STMN2: variants seen among roughly 807,000 people sequenced by gnomAD.
The protein encoded by STMN2 is stathmin 2.
In STMN2, 2 loss-of-function variants were observed where a neutral mutation model predicts 24.1. The ratio of observed to expected loss-of-function variants is 0.08; its 90% CI spans 0.03 to 0.26. STMN2 has a LOEUF of 0.26. Ranked by LOEUF, STMN2 falls within the 10% of genes least tolerant of loss-of-function variation. STMN2 has a pLI of 1.00. For synonymous variants in STMN2, 83 were observed against 77.5 expected (o/e 1.07, Z -0.37); for missense variants, 114 against 213.6 (o/e 0.53, Z 2.91).
At chr8:79,651,560 G>A (rs983958959) in intron 3 of STMN2, among the ~76,000 whole-genome samples, 7 of 152,140 alleles carry the variant, frequency 4.6e-5, no homozygotes, top group African/African-American at 1.4e-4. Context: ...AAGCCTTCCC[G>A]TCTGAATCTT....
chr8:79,623,405 G>T (rs115254926), intron 1 of STMN2, among the ~76,000 whole-genome samples: 2,439 of 152,222 alleles, frequency 0.016, 66 homozygotes, highest in African/African-American at 0.056. Context: ...TTTAAGGGAG[G>T]ATAACTACCA....
At chr8:79,634,123 GT>G (rs1024070504) in intron 1 of STMN2, among the ~76,000 whole-genome samples, 23 of 152,304 alleles carry the variant, frequency 1.5e-4, no homozygotes, top group Middle Eastern at 3.4e-3. Context: ...TTTGCAAAAT[GT>G]TTTGCATACC....
intron 2 of STMN2, among the ~76,000 whole-genome samples, chr8:79,639,813 G>C (rs1810051402): frequency 6.6e-6 from 1 of 152,094 alleles, no homozygotes; most frequent in Admixed American, 6.5e-5. Context: ...TCACACACCT[G>C]TCATTTATTT....
chr8:79,663,653 A>G (rs1382543348), intron 4 of STMN2: 1 of 1,527,150 alleles, frequency 6.5e-7, no homozygotes, highest in East Asian at 2.5e-5. Context: ...AGGGAAGGAG[A>G]GAAGCAATGT....
intron 3 of STMN2, among the ~76,000 whole-genome samples, chr8:79,643,398 G>C (rs938604286): frequency 6.6e-5 from 10 of 151,968 alleles, no homozygotes; most frequent in Admixed American, 6.6e-4. Flanking sequence ...AGAGCATGTT[G>C]CACCCAAAGC....
intron 2 of STMN2, among the ~76,000 whole-genome samples, chr8:79,639,063 T>C (rs1810034083): frequency 6.6e-6 from 1 of 152,260 alleles, no homozygotes. Context: ...GACTATCTAT[T>C]AGCAGCTAAG....
At chr8:79,627,333 T>C (rs1248828055) in intron 1 of STMN2, among the ~76,000 whole-genome samples, 2 of 152,210 alleles carry the variant, frequency 1.3e-5, no homozygotes, top group Non-Finnish European at 2.9e-5. Context: ...TTGATTCTAT[T>C]TTTGCCTTAA....
At chr8:79,632,264 C>G (rs1204231316) in intron 1 of STMN2, among the ~76,000 whole-genome samples, 2 of 152,194 alleles carry the variant, frequency 1.3e-5, no homozygotes, top group Non-Finnish European at 2.9e-5. Context: ...TCCTTTCTGT[C>G]TATCAGAAAC....
At chr8:79,640,024 A>C (rs1810057515) in intron 2 of STMN2, among the ~76,000 whole-genome samples, 1 of 152,202 alleles carries the variant, frequency 6.6e-6, no homozygotes, top group Admixed American at 6.5e-5. Flanking sequence ...ACATGCTGAA[A>C]CCTTGCCTCT....
chr8:79,644,502 G>A (rs35471041), intron 3 of STMN2, among the ~76,000 whole-genome samples: 15,888 of 152,202 alleles, frequency 0.1, 1,164 homozygotes, highest in Middle Eastern at 0.16. Context: ...CAATCATTAT[G>A]GCCAAGAGGA....
At chr8:79,643,907 C>T (rs1810163499) in intron 3 of STMN2, among the ~76,000 whole-genome samples, 1 of 151,456 alleles carries the variant, frequency 6.6e-6, no homozygotes, top group Non-Finnish European at 1.5e-5. Flanking sequence ...TTTTGTAATG[C>T]AAAAATAACC....
chr8:79,624,901 TTTG>T (rs1809615269), intron 1 of STMN2, among the ~76,000 whole-genome samples: 2 of 152,232 alleles, frequency 1.3e-5, no homozygotes, highest in Non-Finnish European at 2.9e-5. Flanking sequence ...TATAGCAATA[TTTG>T]TTATCATATC....
chr8:79,611,143 C>G lies in STMN2; in HGVS notation c.-53C>G, dbSNP rs1809208422. 3 of 1,613,234 alleles carry G rather than the reference C, an allele frequency of 1.9e-6. No individual in the cohort carries two copies. Among genetic ancestry groups the G allele is most frequent in the Non-Finnish European group, 2.5e-6 (3 of 1,179,572 alleles). The stretch of plus-strand genomic sequence containing the variant: ...GTCTTCTCTCTCGCTCTCTCCGCTG[C>G]TGTAGCCGGACCCTTTGCCTTCGCC... On this transcript the variant is annotated 5_prime_UTR_variant, in exon 1 of 5. Transcript: ENST00000220876.
Position 79,664,868 on chromosome 8 carries a change from T to C in STMN2, c.534T>C (p.Ser178=). The change falls in exon 5 of 5, where the codon TCT becomes TCC. Residue 178 remains serine, a synonymous_variant. Transcript: ENST00000220876. ...RRNKELQVEL[S]G The stretch of plus-strand genomic sequence containing the variant: ...ACAAGGAACTCCAGGTTGAACTGTC[T>C]GGCTGAAGCAAGGGAGGGTCTGGCA... The C allele has an allele frequency of 6.2e-7, 1 of 1,613,126 alleles. No homozygotes were observed. The highest frequency in any genetic ancestry group is 8.5e-7 in the Non-Finnish European group (1 of 1,179,538).
At position 79,650,929 on chromosome 8, in the gene STMN2, A is replaced by T. The variant is rs376862947; in HGVS notation, c.289-3942A>T. The stretch of plus-strand genomic sequence containing the variant: ...ACTCCAGCCTGAGCAACAAAGCAAG[A>T]CCCTGTCTCTAAATTTAAAAAAAAA... On this transcript the variant is annotated intron_variant, in intron 3 of 4. Transcript: ENST00000220876. Among the ~76,000 whole-genome samples the T allele has an allele frequency of 1.9e-4, 29 of 152,230 alleles. 1 individual carries two copies. In the South Asian group the frequency reaches 6.0e-3, roughly 32 times the overall value.
At chr8:79,634,402 C>T (rs1440342134) in intron 1 of STMN2, among the ~76,000 whole-genome samples, 1 of 152,086 alleles carries the variant, frequency 6.6e-6, no homozygotes, top group African/African-American at 2.4e-5. Context: ...ATGGATGTTC[C>T]AGGACTTTTA....
At chr8:79,653,291 C>T (rs544139984) in intron 3 of STMN2, among the ~76,000 whole-genome samples, 3 of 152,138 alleles carry the variant, frequency 2.0e-5, no homozygotes, top group Non-Finnish European at 4.4e-5. Flanking sequence ...ACATGAGAAT[C>T]GCTTGAACCT....
rs961938984 is a variant in STMN2, at chr8:79,665,734, GTTCA to G, written c.*863_*866del. 6.5e-6 allele frequency: 1 copy of G among 154,266 alleles called. No homozygotes were observed. The highest frequency in any genetic ancestry group is 1.5e-5 in the Non-Finnish European group (1 of 68,212). 9.6% of individuals were successfully genotyped at this position (154,266 alleles called of 1,614,324 possible). ...ATTTGTGGATGCCATGATTGATGAT[GTTCA>G]TTTTAAGCTCTTACCTATAGTACAA... On this transcript the variant is annotated 3_prime_UTR_variant, in exon 5 of 5. Coordinates refer to ENST00000220876, the MANE Select transcript of STMN2 (RefSeq NM_007029.4).
chr8:79,653,149 G>A (rs929868046), intron 3 of STMN2, among the ~76,000 whole-genome samples: 2 of 151,984 alleles, frequency 1.3e-5, no homozygotes, highest in East Asian at 1.9e-4. Context: ...AGGCCGAGGC[G>A]GGTGGATCAC....
Sources: allele counts gnomAD v4.1 joint callset (sites outside exome capture counted in the v4.1 genomes callset), GRCh38; gene constraint gnomAD v4.1.1; transcripts MANE v1.5; gene names NCBI Gene and HGNC (gene_info 2026-07-23, HGNC 2026-07-21).